The following TRMT11 variants were observed in gnomAD, a reference collection of about 807,000 sequenced individuals.
The protein encoded by TRMT11 is tRNA methyltransferase 11, also known as tRNA (guanine(10)-N(2))-methyltransferase TRMT11.
A neutral mutation model predicts 62.8 loss-of-function variants in TRMT11; 53 were observed. The ratio of observed to expected loss-of-function variants is 0.84; its 90% CI spans 0.68 to 1.06. The LOEUF is 1.06. TRMT11 is among the 50% of genes least tolerant of loss of function. The pLI, the probability that TRMT11 is intolerant of heterozygous loss-of-function variation, is 0.00. For missense variants in TRMT11, 556 were observed against 553.4 expected, an observed-to-expected ratio of 1.00 and a Z score of -0.05; for synonymous variants, 188 against 190.3, an observed-to-expected ratio of 0.99 and a Z score of 0.10.
chr6:126,237,043 TAGGTACTTGACCTCCTAG>T, the TRMT11 span, among the ~76,000 whole-genome samples: 1 of 151,306 alleles, frequency 6.6e-6, no homozygotes, highest in Non-Finnish European at 1.5e-5. Context: ...TAAACCTTTC[TAGGTACTTGACCTCCTAG>T]AGATAGAGAG....
downstream of TRMT11, among the ~76,000 whole-genome samples, chr6:126,205,807 A>C (rs1778783588): frequency 6.6e-6 from 1 of 151,782 alleles, no homozygotes; most frequent in Non-Finnish European, 1.5e-5. Context: ...AACATCTAGC[A>C]GCTAGGGGTG....
In TRMT11 at chr6:126,151,822, C is replaced by CTTTAGTTTCCTTTCTTTCTTTCTTTCTT. The variant is rs1554242202; in HGVS notation, c.*1824-23000_*1824-22999insAGTTTCCTTTCTTTCTTTCTTTCTTTTT. 2.1e-3 allele frequency among the ~76,000 whole-genome samples: 231 copies of CTTTAGTTTCCTTTCTTTCTTTCTTTCTT among 112,406 alleles called. 1 individual carries two copies. The highest frequency in any genetic ancestry group is 7.0e-3 in the Admixed American group (73 of 10,442). The allele number at this position is 112,406 out of a possible 152,430, so 73.7% of individuals were successfully genotyped here. A position where few individuals can be genotyped will look rare whatever the true frequency, so the allele number is the denominator to read the frequency against. The stretch of plus-strand genomic sequence containing the variant: ...CTCTCTGTCTTTTCTTTCTTTCTTT[C>CTTTAGTTTCCTTTCTTTCTTTCTTTCTT]TTTCTTTCTTTCTTTCTTTCTTTCT... On this transcript the variant is annotated intron_variant and NMD_transcript_variant, in intron 21 of 22. Transcript: ENST00000648977.
chr6:126,067,061 C>T (rs1253777472), intron 17 of TRMT11, among the ~76,000 whole-genome samples: 1 of 152,062 alleles, frequency 6.6e-6, no homozygotes, highest in Non-Finnish European at 1.5e-5. Flanking sequence ...AACCCTGTCT[C>T]TAATAAAAAT....
the TRMT11 span, among the ~76,000 whole-genome samples, chr6:126,219,290 C>T: frequency 6.6e-6 from 1 of 152,202 alleles, no homozygotes; most frequent in Non-Finnish European, 1.5e-5. Context: ...CTTGCTTCAC[C>T]TCCCTCCTCC....
At chr6:126,106,134 T>C (rs979737015) in intron 17 of TRMT11, among the ~76,000 whole-genome samples, 2 of 151,690 alleles carry the variant, frequency 1.3e-5, no homozygotes, top group Admixed American at 6.6e-5. Flanking sequence ...TTTTTTTGAC[T>C]AGGATTCCAG....
At chr6:126,182,753 C>T (rs1190870317) in intron 1 of TRMT11, among the ~76,000 whole-genome samples, 2 of 152,110 alleles carry the variant, frequency 1.3e-5, no homozygotes, top group African/African-American at 4.8e-5. Flanking sequence ...ATTTTTGGAA[C>T]TTAGGACTCT....
At chr6:126,116,715 A>G (rs941500082) in intron 21 of TRMT11, among the ~76,000 whole-genome samples, 4 of 152,062 alleles carry the variant, frequency 2.6e-5, no homozygotes, top group African/African-American at 9.7e-5. Context: ...TTAACTGTAA[A>G]ATAAGGATGG....
intron 21 of TRMT11, among the ~76,000 whole-genome samples, chr6:126,162,260 G>A (rs1193342870): frequency 5.9e-5 from 9 of 152,152 alleles, no homozygotes; most frequent in African/African-American, 1.4e-4. Context: ...AAAGGGTCCA[G>A]TTTCAGTTTT....
intron 21 of TRMT11, among the ~76,000 whole-genome samples, chr6:126,145,920 G>A (rs572470016): frequency 1.2e-3 from 190 of 152,112 alleles, no homozygotes; most frequent in Non-Finnish European, 2.1e-3. Context: ...AAATCTCCAG[G>A]TGGACCAAAG....
At chr6:126,042,401 G>A (rs1159363866), downstream of TRMT11, among the ~76,000 whole-genome samples, 3 of 152,130 alleles carry the variant, frequency 2.0e-5, no homozygotes, top group Non-Finnish European at 4.4e-5. Context: ...GGCTCTTTGG[G>A]GGATGGAGGT....
intron 21 of TRMT11, among the ~76,000 whole-genome samples, chr6:126,134,744 A>G (rs1300393701): frequency 1.3e-5 from 2 of 152,040 alleles, no homozygotes; most frequent in African/African-American, 2.4e-5. Context: ...ATGTTAGACC[A>G]CAAAACAAGT....
chr6:126,183,065 C>T (rs1320067649), intron 1 of TRMT11, among the ~76,000 whole-genome samples: 3 of 152,130 alleles, frequency 2.0e-5, no homozygotes, highest in Admixed American at 6.5e-5. Context: ...ACCACCCACC[C>T]ACTGCAGGCT....
At chr6:126,267,889 C>G in the TRMT11 span, among the ~76,000 whole-genome samples, 1 of 152,222 alleles carries the variant, frequency 6.6e-6, no homozygotes, top group East Asian at 1.9e-4. Flanking sequence ...TCTGCCATGA[C>G]TATTTTTTTT....
At chr6:126,229,999 G>A in the TRMT11 span, among the ~76,000 whole-genome samples, 1 of 152,022 alleles carries the variant, frequency 6.6e-6, no homozygotes, top group African/African-American at 2.4e-5. Context: ...AGACATGAGG[G>A]AACATCACTA....
chr6:126,217,397 G>A, the TRMT11 span, among the ~76,000 whole-genome samples: 424 of 152,246 alleles, frequency 2.8e-3, 4 homozygotes, highest in African/African-American at 9.8e-3. Flanking sequence ...CCAGGTATTT[G>A]AAGCGACTTG....
the TRMT11 span, among the ~76,000 whole-genome samples, chr6:126,222,892 T>C: frequency 1.3e-4 from 19 of 151,370 alleles, no homozygotes; most frequent in Non-Finnish European, 2.2e-4. Context: ...CTATATAGAT[T>C]TGATTGTGTA....
chr6:126,250,853 C>A, the TRMT11 span, among the ~76,000 whole-genome samples: 8 of 152,034 alleles, frequency 5.3e-5, no homozygotes, highest in African/African-American at 1.5e-4. Flanking sequence ...TGGTCGTTAG[C>A]CGTTATGACA....
At chr6:126,048,076 G>A (rs1428539532) in intron 16 of TRMT11, among the ~76,000 whole-genome samples, 1 of 152,208 alleles carries the variant, frequency 6.6e-6, no homozygotes, top group Non-Finnish European at 1.5e-5. Context: ...CCATTCTGCT[G>A]CCTGAAACAA....
intron 12 of TRMT11, among the ~76,000 whole-genome samples, chr6:126,029,508 C>G (rs1416378053): frequency 6.6e-6 from 1 of 151,988 alleles, no homozygotes. Context: ...ATAGGTTTGC[C>G]TGGTTTTGAT....
Sources: allele counts gnomAD v4.1 joint callset (sites outside exome capture counted in the v4.1 genomes callset), GRCh38; gene constraint gnomAD v4.1.1; transcripts MANE v1.5; gene names NCBI Gene and HGNC (gene_info 2026-07-23, HGNC 2026-07-21).